The following SNCAIP variants were observed in gnomAD, a reference collection of about 807,000 sequenced individuals.
SNCAIP encodes the protein synphilin-1.
Under a neutral mutation model 86.7 loss-of-function variants are expected in SNCAIP, and 43 were observed. That is an observed-to-expected ratio of 0.50 (90% CI 0.39 to 0.64). The LOEUF (loss-of-function observed/expected upper bound fraction) is 0.64, where lower values mean the gene tolerates loss of function less well. SNCAIP is among the 30% of genes least tolerant of loss of function. SNCAIP has a pLI of 0.00. For synonymous variants in SNCAIP, 417 were observed against 427.2 expected, an observed-to-expected ratio of 0.98 and a Z score of 0.29; for missense variants, 981 against 1,103.1, an observed-to-expected ratio of 0.89 and a Z score of 1.57.
At chr5:122,376,052 C>T (rs1765237968) in intron 1 of SNCAIP, among the ~76,000 whole-genome samples, 1 of 152,156 alleles carries the variant, frequency 6.6e-6, no homozygotes, top group Non-Finnish European at 1.5e-5. Flanking sequence ...AATTATTGGG[C>T]ACCACCTTGA....
chr5:122,441,743 G>T (rs1364069500), intron 7 of SNCAIP, among the ~76,000 whole-genome samples: 2 of 152,168 alleles, frequency 1.3e-5, no homozygotes, highest in East Asian at 1.9e-4. Context: ...AATGCCCTCA[G>T]TGACAGAGCA....
intron 1 of SNCAIP, among the ~76,000 whole-genome samples, chr5:122,325,603 C>G (rs1027244115): frequency 1.3e-5 from 2 of 152,180 alleles, no homozygotes; most frequent in African/African-American, 4.8e-5. Context: ...AGTATGCCAT[C>G]TATTTTCTTT....
In SNCAIP at chr5:122,458,693, G is replaced by A. The variant is rs367910319; in HGVS notation, c.2755-4798G>A. On this transcript the variant is annotated intron_variant, in intron 10 of 10. Transcript: ENST00000261368. Reference sequence around the variant, plus strand: ...CCTAATGCCACATCCCTGGATGGCCGGGCCACTCTGCAAATATTTTCAGCT... The same window carrying A: ...CCTAATGCCACATCCCTGGATGGCCAGGCCACTCTGCAAATATTTTCAGCT... Among the ~76,000 whole-genome samples, 111 of 152,238 alleles carry A rather than the reference G, an allele frequency of 7.3e-4. No individual in the cohort carries two copies. The East Asian group carries it at 0.013, about 18-fold the overall frequency.
At chr5:122,327,619 C>G (rs1029369569) in intron 1 of SNCAIP, among the ~76,000 whole-genome samples, 11 of 152,164 alleles carry the variant, frequency 7.2e-5, no homozygotes, top group Non-Finnish European at 1.5e-4. Flanking sequence ...GAAGAAGGTA[C>G]TTGCTTCCCC....
At chr5:122,381,466 A>G (rs1280398895) in intron 1 of SNCAIP, among the ~76,000 whole-genome samples, 172 of 146,862 alleles carry the variant, frequency 1.2e-3, no homozygotes, top group African/African-American at 4.0e-3. Flanking sequence ...CCTGAATACA[A>G]CACACTGATG....
intron 4 of SNCAIP, 113 bp downstream of exon 4, chr5:122,423,852 T>C (rs748236625): frequency 3.1e-5 from 30 of 960,204 alleles, no homozygotes; most frequent in Non-Finnish European, 4.7e-5. Flanking sequence ...TTACTTAATC[T>C]TTACTTGTGG....
chr5:122,329,701 A>G (rs1024680508), intron 1 of SNCAIP, among the ~76,000 whole-genome samples: 2 of 152,258 alleles, frequency 1.3e-5, no homozygotes, highest in Admixed American at 6.5e-5. Context: ...AAAAGCAGAT[A>G]TATCATGAGA....
At chr5:122,401,032 A>G (rs1561672250) in intron 2 of SNCAIP, 3 of 1,550,256 alleles carry the variant, frequency 1.9e-6, no homozygotes, top group Non-Finnish European at 2.6e-6. Context: ...GGATTGGAGG[A>G]CACAGACAGG....
intron 1 of SNCAIP, among the ~76,000 whole-genome samples, chr5:122,344,933 A>G (rs913022496): frequency 6.6e-6 from 1 of 152,236 alleles, no homozygotes; most frequent in Non-Finnish European, 1.5e-5. Context: ...AATAGAACAC[A>G]AAATTCTTAG....
chr5:122,450,870 C>G lies in SNCAIP; in HGVS notation c.2023C>G (p.Leu675Val). The change falls in exon 10 of 11, where the codon CTG becomes GTG. Residue 675 changes from leucine to valine, a missense_variant. Transcript: ENST00000261368. ...ARLRQLMQRSLSESDTDSNNS... is the reference protein window; with the variant it reads ...ARLRQLMQRSVSESDTDSNNS... ...GCTGAGACAGCTGATGCAGAGGTCA[C>G]TGAGTGAGTCTGACACAGACTCCAA... is the stretch of plus-strand genomic sequence containing the variant. The G allele has an allele frequency of 1.2e-6, 2 of 1,614,036 alleles. No homozygotes were observed. The highest frequency in any genetic ancestry group is 1.7e-6 in the Non-Finnish European group (2 of 1,179,974).
At chr5:122,359,571 C>T (rs1286739278) in intron 1 of SNCAIP, among the ~76,000 whole-genome samples, 1 of 151,714 alleles carries the variant, frequency 6.6e-6, no homozygotes, top group Non-Finnish European at 1.5e-5. Flanking sequence ...CACCATGTTG[C>T]CCAGGCTGGT....
chr5:122,365,280 A>C (rs1289766550), intron 1 of SNCAIP, among the ~76,000 whole-genome samples: 2 of 152,160 alleles, frequency 1.3e-5, no homozygotes, highest in East Asian at 3.9e-4. Context: ...GTTTATTTTT[A>C]AATAATTAGG....
intron 8 of SNCAIP, among the ~76,000 whole-genome samples, chr5:122,449,385 A>T (rs1181538077): frequency 1.3e-5 from 2 of 152,190 alleles, no homozygotes; most frequent in African/African-American, 4.8e-5. Context: ...TAAGTCAGAG[A>T]TTGTATGCTG....
chr5:122,397,427 C>A (rs148907629), intron 2 of SNCAIP, among the ~76,000 whole-genome samples: 1 of 152,128 alleles, frequency 6.6e-6, no homozygotes, highest in East Asian at 1.9e-4. Context: ...TAGAGTAGTT[C>A]CTGATGCACT....
rs139678469 is a variant in SNCAIP, at chr5:122,406,322, T to C, written c.130+2457T>C. Among the ~76,000 whole-genome samples, 4 of 152,316 alleles carry C rather than the reference T, an allele frequency of 2.6e-5. No individual in the cohort carries two copies. The East Asian group carries it at 7.7e-4, about 29-fold the overall frequency. ...TAGAAGGAGTTTGCTCCAGGAAAGC[T>C]AGCAGATTTCTATCTTTTCAAACAG... On this transcript the variant is annotated intron_variant, in intron 3 of 10. Coordinates refer to ENST00000261368, the MANE Select transcript of SNCAIP (RefSeq NM_005460.4).
chr5:122,327,647 T>C (rs542001548), intron 1 of SNCAIP, among the ~76,000 whole-genome samples: 2 of 152,332 alleles, frequency 1.3e-5, no homozygotes, highest in Non-Finnish European at 2.9e-5. Flanking sequence ...TCCACCATGA[T>C]TATAAGTTTC....
chr5:122,453,464 C>T (rs1391269573), intron 10 of SNCAIP, among the ~76,000 whole-genome samples: 1 of 152,164 alleles, frequency 6.6e-6, no homozygotes, highest in Admixed American at 6.5e-5. Flanking sequence ...AAGGCCTTGC[C>T]ATTCTGAAAT....
chr5:122,396,336 A>C (rs867431239), intron 2 of SNCAIP, among the ~76,000 whole-genome samples: 6 of 152,190 alleles, frequency 3.9e-5, no homozygotes, highest in African/African-American at 1.4e-4. Flanking sequence ...CTAGGTTCCC[A>C]AACTCCAAAT....
At chr5:122,372,873 C>G (rs1428090047) in intron 1 of SNCAIP, among the ~76,000 whole-genome samples, 1 of 152,050 alleles carries the variant, frequency 6.6e-6, no homozygotes, top group African/African-American at 2.4e-5. Flanking sequence ...GTATTTTCCA[C>G]CATCTTTTGT....
Sources: allele counts gnomAD v4.1 joint callset (sites outside exome capture counted in the v4.1 genomes callset), GRCh38; gene constraint gnomAD v4.1.1; transcripts MANE v1.5; gene names NCBI Gene and HGNC (gene_info 2026-07-23, HGNC 2026-07-21).